ZFAND5: variants seen among roughly 807,000 people sequenced by gnomAD.
ZFAND5 encodes AN1-type zinc finger protein 5.
In ZFAND5, 4 loss-of-function variants were observed where a neutral mutation model predicts 23.6. The ratio of observed to expected loss-of-function variants is 0.17; its 90% CI spans 0.08 to 0.39. ZFAND5 has a LOEUF of 0.39. Ranked by LOEUF, ZFAND5 falls within the 10% of genes least tolerant of loss-of-function variation. The pLI is 1.00. For missense variants in ZFAND5, 161 were observed against 253.7 expected (o/e 0.63, Z 2.48); for synonymous variants, 68 against 80.6 (o/e 0.84, Z 0.84).
chr9:72,359,470 G>A lies in ZFAND5; in HGVS notation c.315C>T (p.Ser105=). The A allele has an allele frequency of 3.1e-6, 5 of 1,613,622 alleles. No homozygotes were observed. Among genetic ancestry groups the A allele is most frequent in the Non-Finnish European group, 4.2e-6 (5 of 1,179,708 alleles). The change falls in exon 5 of 7, where the codon AGC becomes AGT. Residue 105 remains serine, a synonymous_variant. Coordinates refer to ENST00000376962, the MANE Select transcript of ZFAND5 (RefSeq NM_001102420.3). ...TAGTTATTTTGTCCTCTCTTGAAATGCTCATTTCTGTCATTTGCTGAGTTA... is the reference window on the plus strand; with the variant it reads ...TAGTTATTTTGTCCTCTCTTGAAATACTCATTTCTGTCATTTGCTGAGTTA... ...LPVTQQMTEM[S]ISREDKITTP... is the part of the protein sequence containing the mutation.
chr9:72,364,510 G>C, intron 1 of ZFAND5, 186 bp downstream of exon 1: 2 of 1,280,914 alleles, frequency 1.6e-6, no homozygotes, highest in South Asian at 1.2e-5. Flanking sequence ...CTCGGGCCAC[G>C]ACGACAGGAT....
At chr9:72,356,874 A>T in intron 6 of ZFAND5, 57 bp downstream of exon 6, 1 of 1,600,430 alleles carries the variant, frequency 6.2e-7, no homozygotes, top group East Asian at 2.2e-5. Flanking sequence ...GGGAGTGACC[A>T]AAAGCTCCTT....
At chr9:72,357,814 T>C (rs1841987704) in intron 5 of ZFAND5, among the ~76,000 whole-genome samples, 1 of 152,094 alleles carries the variant, frequency 6.6e-6, no homozygotes, top group Admixed American at 6.5e-5. Context: ...AGTCCCACCG[T>C]TTCTCCACCT....
chr9:72,360,270 C>T (rs998093722), intron 3 of ZFAND5, 49 bp from the exon 4 acceptor site: 1 of 1,450,120 alleles, frequency 6.9e-7, no homozygotes, highest in African/African-American at 1.4e-5. Context: ...TACAAAAACT[C>T]ACTTAGTATC....
intron 5 of ZFAND5, among the ~76,000 whole-genome samples, chr9:72,357,347 C>T (rs1254461739): frequency 6.6e-6 from 1 of 152,072 alleles, no homozygotes; most frequent in East Asian, 1.9e-4. Flanking sequence ...AAAACAAAAT[C>T]CTAATTCTGT....
At chr9:72,363,703 G>A (rs549542425) in intron 1 of ZFAND5, 97 bp from the exon 2 acceptor site, 3 of 948,590 alleles carry the variant, frequency 3.2e-6, no homozygotes, top group Non-Finnish European at 3.8e-6. Context: ...AGATAAAATT[G>A]CAGTATTTTC....
intron 2 of ZFAND5, among the ~76,000 whole-genome samples, chr9:72,362,724 AT>A (rs1248620034): frequency 6.6e-6 from 1 of 152,064 alleles, no homozygotes; most frequent in Non-Finnish European, 1.5e-5. Context: ...CATCTTTTAG[AT>A]TTTTTTCCCC....
chr9:72,364,403 A>T, intron 1 of ZFAND5: 1 of 1,196,844 alleles, frequency 8.4e-7, no homozygotes, highest in Non-Finnish European at 1.1e-6. Flanking sequence ...GCCGCCGCGG[A>T]GGCGAGCGGC....
In ZFAND5 at chr9:72,354,521, T is replaced by A. The variant is rs1420189580; in HGVS notation, c.*1432A>T. 2.6e-5 allele frequency: 4 copies of A among 152,676 alleles called. No individual in the cohort carries two copies. The highest frequency in any genetic ancestry group is 2.6e-4 in the Admixed American group (4 of 15,280). 9.5% of individuals were successfully genotyped at this position (152,676 alleles called of 1,614,324 possible). On this transcript the variant is annotated 3_prime_UTR_variant, in exon 7 of 7. Coordinates refer to ENST00000376962, the MANE Select transcript of ZFAND5 (RefSeq NM_001102420.3). ...AATATAGCATCAATGCTGAATAGCA[T>A]GATTATGTGCAATACATAAATATGA...
At chr9:72,357,153 TA>T in intron 5 of ZFAND5, 97 bp from the exon 6 acceptor site, 1 of 1,412,114 alleles carries the variant, frequency 7.1e-7, no homozygotes, top group Non-Finnish European at 9.6e-7. Flanking sequence ...AGATGCCTGA[TA>T]AAAATGTTTA....
At chr9:72,357,669 T>C (rs1052445237) in intron 5 of ZFAND5, among the ~76,000 whole-genome samples, 2 of 152,150 alleles carry the variant, frequency 1.3e-5, no homozygotes, top group Admixed American at 1.3e-4. Context: ...ACCTTGGTTT[T>C]AAAAACAGAT....
Position 72,356,977 on chromosome 9 carries a change from T to C in ZFAND5, c.447A>G (p.Pro149=). Residue 149 remains proline, a synonymous_variant, in exon 6 of 7, where the codon CCA becomes CCG. Coordinates refer to ENST00000376962, the MANE Select transcript of ZFAND5 (RefSeq NM_001102420.3). The stretch of plus-strand genomic sequence containing the variant: ...TGCACATGAAACATCTGTTTTTCTT[T>C]GGTTTGGGCAATTCAGGAGCTTTTT... ...SEEKAPELPK[P]KKNRCFMCRK... The C allele has an allele frequency of 6.2e-7, 1 of 1,613,608 alleles. No homozygotes were observed. The highest frequency in any genetic ancestry group is 8.5e-7 in the Non-Finnish European group (1 of 1,179,800).
Position 72,360,207 on chromosome 9 carries a change from A to T in ZFAND5, c.166T>A (p.Ser56Thr). 1 of 1,612,130 alleles carries T rather than the reference A, an allele frequency of 6.2e-7. No homozygotes were observed. ...RMSPMGTASGSNSPTSDSASV... is the reference protein window; with the variant it reads ...RMSPMGTASGTNSPTSDSASV... ...GCAGAATCTGAGGTAGGACTGTTGG[A>T]ACCACTAGCTGTTCCTATTTAAAAA... The change falls in exon 4 of 7, where the codon TCC becomes ACC. Residue 56 changes from serine (S) to threonine (T), a missense_variant. Physicochemically the swap from Ser to Thr is moderately conservative, Grantham distance 58 (BLOSUM62 1). Transcript: ENST00000376962.
intron 2 of ZFAND5, among the ~76,000 whole-genome samples, chr9:72,363,160 G>C (rs558894541): frequency 6.6e-6 from 1 of 152,270 alleles, no homozygotes; most frequent in African/African-American, 2.4e-5. Context: ...GGATTTAGGG[G>C]ATGAAGTGGG....
chr9:72,357,711 G>T (rs374652221), intron 5 of ZFAND5, among the ~76,000 whole-genome samples: 1 of 152,174 alleles, frequency 6.6e-6, no homozygotes, highest in Admixed American at 6.5e-5. Context: ...TACTCGAGAA[G>T]TATTGATTTT....
At chr9:72,356,891 T>C in intron 6 of ZFAND5, 40 bp downstream of exon 6, 1 of 1,608,360 alleles carries the variant, frequency 6.2e-7, no homozygotes, top group Non-Finnish European at 8.5e-7. Flanking sequence ...CCTTGTTAAC[T>C]GCAGAAGTAA....
intron 2 of ZFAND5, 78 bp downstream of exon 2, chr9:72,363,392 C>CA (rs1227943083): frequency 6.5e-6 from 1 of 153,340 alleles, no homozygotes; most frequent in East Asian, 1.9e-4. Flanking sequence ...CAATTCTGAA[C>CA]AAAGAGCTTT....
intron 5 of ZFAND5, among the ~76,000 whole-genome samples, chr9:72,357,918 C>T (rs1841990575): frequency 6.6e-6 from 1 of 152,138 alleles, no homozygotes; most frequent in African/African-American, 2.4e-5. Flanking sequence ...CACACTGCCA[C>T]TAGTTCTTTA....
chr9:72,362,498 A>C (rs942624118), intron 2 of ZFAND5, among the ~76,000 whole-genome samples: 1 of 151,690 alleles, frequency 6.6e-6, no homozygotes, highest in African/African-American at 2.4e-5. Context: ...AGGCCAAGCG[A>C]TCAACCTACC....
Sources: gnomAD v4.1 joint callset for allele counts (sites outside exome capture counted in the v4.1 genomes callset) on GRCh38, gnomAD v4.1.1 for gene constraint, MANE v1.5 for transcripts, NCBI Gene and HGNC (gene_info 2026-07-23, HGNC 2026-07-21) for gene names.